The following DNMT3A variants were observed in gnomAD, a reference collection of about 807,000 sequenced individuals.
DNMT3A encodes the protein DNA (cytosine-5)-methyltransferase 3A.
DNMT3A carries 267 observed loss-of-function variants against 117.6 expected under a neutral mutation model. That is an observed-to-expected ratio of 2.27 (90% confidence interval 2.05 to 2.51). The LOEUF (loss-of-function observed/expected upper bound fraction) is 2.51, where lower values mean the gene tolerates loss of function less well. DNMT3A is among the 30% of genes most tolerant of loss of function. The probability of loss-of-function intolerance (pLI) is 0.00; values close to 1 mark genes in which losing one functional copy is unlikely to be tolerated. For missense variants in DNMT3A, 1,029 were observed against 1,260.2 expected (o/e 0.82, Z 2.78); for synonymous variants, 432 against 474.8 (o/e 0.91, Z 1.17).
At chr2:25,264,506 C>T (rs915254628) in intron 6 of DNMT3A, among the ~76,000 whole-genome samples, 22 of 150,580 alleles carry the variant, frequency 1.5e-4, no homozygotes, top group South Asian at 8.4e-4. Context: ...CTGGCTCTGT[C>T]GCCCAGGCTG....
rs145197960 is a variant in DNMT3A, at chr2:25,259,544, G to A, written c.640-11292C>T. On this transcript the variant is annotated intron_variant, in intron 6 of 22. Transcript: ENST00000321117. Reference sequence around the variant, plus strand: ...CAGATAAAATCAAAGGAAGCCAGGAGGGACTCACATTTGAGAGGTGAGGGA... The same window carrying A: ...CAGATAAAATCAAAGGAAGCCAGGAAGGACTCACATTTGAGAGGTGAGGGA... Among the ~76,000 whole-genome samples, 651 of 152,334 alleles carry A rather than the reference G, an allele frequency of 4.3e-3. 6 individuals are homozygous for A. Among genetic ancestry groups the A allele is most frequent in the Middle Eastern group, 0.01 (3 of 294 alleles).
intron 6 of DNMT3A, among the ~76,000 whole-genome samples, chr2:25,262,359 A>G (rs1676692922): frequency 6.6e-6 from 1 of 152,138 alleles, no homozygotes; most frequent in South Asian, 2.1e-4. Context: ...ACACTAACCA[A>G]TAAAGGAAAA....
Position 25,240,304 on chromosome 2 carries a change from C to A in DNMT3A, c.2320G>T (p.Glu774Ter), listed in dbSNP as rs760624806. ...CAAACCAAGGTTGCTGGCTATACCT[C>A]GAGAAATCGCGAGATGTCCCTCTTG... is the stretch of plus-strand genomic sequence containing the variant. ...SDKRDISRFL[E>*]SNPVMIDAKE... Residue 774 changes from glutamate to a stop codon, truncating the protein, a stop_gained and splice_region_variant, in exon 19 of 23, where the codon GAG becomes TAG. Coordinates refer to ENST00000321117, the MANE Select transcript of DNMT3A (RefSeq NM_022552.5). LOFTEE classifies it high-confidence loss of function. The A allele has an allele frequency of 4.3e-6, 7 of 1,614,092 alleles. No homozygotes were observed. The highest frequency in any genetic ancestry group is 5.9e-6 in the Non-Finnish European group (7 of 1,179,988).
Position 25,232,894 on chromosome 2 carries a change from A to G in DNMT3A, c.*1385T>C. On this transcript the variant is annotated 3_prime_UTR_variant, in exon 23 of 23. Coordinates refer to ENST00000321117, the MANE Select transcript of DNMT3A (RefSeq NM_022552.5). This position sits in a 1 kb window ranked among gnomAD's most constrained non-coding sequence, Gnocchi z 4.1. ...AAAACATCACATTCCAGGGGCCGGG[A>G]GCCGCCTTGTGCACAGAGGGGTGGA... 1 of 229,748 alleles carries G rather than the reference A, an allele frequency of 4.4e-6. No homozygotes were observed. The highest frequency in any genetic ancestry group is 8.6e-6 in the Non-Finnish European group (1 of 115,860). The allele number at this position is 229,748 out of a possible 1,614,324, so 14.2% of individuals were successfully genotyped here.
At chr2:25,295,424 T>C (rs2033032890) in intron 3 of DNMT3A, among the ~76,000 whole-genome samples, 1 of 152,248 alleles carries the variant, frequency 6.6e-6, no homozygotes, top group South Asian at 2.1e-4. Flanking sequence ...AACTAGGCCG[T>C]TGCCGATTTT....
At chr2:25,235,500 C>G (rs990586051) in intron 22 of DNMT3A, among the ~76,000 whole-genome samples, 2 of 152,272 alleles carry the variant, frequency 1.3e-5, no homozygotes, top group African/African-American at 4.8e-5. Flanking sequence ...ACTCCTCTTA[C>G]TTGGGACCAG....
At chr2:25,308,940 C>G (rs1014829724) in intron 2 of DNMT3A, among the ~76,000 whole-genome samples, 1 of 151,572 alleles carries the variant, frequency 6.6e-6, no homozygotes, top group African/African-American at 2.4e-5. Context: ...AAGGAGGAAC[C>G]GCAGCCCCAA....
chr2:25,269,046 G>GT (rs1474890727), intron 6 of DNMT3A, among the ~76,000 whole-genome samples: 3 of 152,256 alleles, frequency 2.0e-5, no homozygotes, highest in African/African-American at 7.2e-5. Flanking sequence ...GACAGTCTGA[G>GT]TGCAGTGGCT....
intron 6 of DNMT3A, among the ~76,000 whole-genome samples, chr2:25,251,730 A>G (rs1675589502): frequency 6.6e-6 from 1 of 152,182 alleles, no homozygotes; most frequent in Non-Finnish European, 1.5e-5. Flanking sequence ...AGGAACTCGC[A>G]GGAGAGGAAG....
intron 17 of DNMT3A, among the ~76,000 whole-genome samples, 197 bp from the exon 18 acceptor site, chr2:25,240,927 T>G (rs1427650193): frequency 6.6e-6 from 1 of 152,168 alleles, no homozygotes; most frequent in Middle Eastern, 3.2e-3. Flanking sequence ...TTGGATCATT[T>G]CTTAGGCCAA....
At position 25,286,264 on chromosome 2, in the gene DNMT3A, C is replaced by G. The variant is rs963669717; in HGVS notation, c.178-3553G>C. ...CCCGACCAACCCAGTCCTTCATGCA[C>G]AAGAGTAAGCCCTGCCCTGGCCTTG... On this transcript the variant is annotated intron_variant, in intron 3 of 22. Coordinates refer to ENST00000321117, the MANE Select transcript of DNMT3A (RefSeq NM_022552.5). This position sits in a 1 kb window ranked among gnomAD's most constrained non-coding sequence, Gnocchi z 4.3. 1.2e-4 allele frequency among the ~76,000 whole-genome samples: 19 copies of G among 152,250 alleles called. No homozygotes were observed. The highest frequency in any genetic ancestry group is 2.0e-4 in the Admixed American group (3 of 15,284).
At position 25,300,223 on chromosome 2, in the gene DNMT3A, C is replaced by T. The variant is rs1000529213; in HGVS notation, c.93G>A (p.Glu31=). The T allele has an allele frequency of 3.1e-6, 5 of 1,608,486 alleles. No individual in the cohort carries two copies. In the African/African-American group the frequency reaches 4.0e-5, roughly 13 times the overall value. Residue 31 remains glutamate, a synonymous_variant, in exon 3 of 23, where the codon GAG becomes GAA. Coordinates refer to ENST00000321117, the MANE Select transcript of DNMT3A (RefSeq NM_022552.5). ...EDRKDGEEQE[E]PRGKEERQEP... ...CTTGGCGCTCCTCCTTGCCACGCGG[C>T]TCCTCCTGCTCCTCTCCGTCCTGCA... is the stretch of plus-strand genomic sequence containing the variant.
Position 25,244,330 on chromosome 2 carries a change from C to CA in DNMT3A, c.1675dup (p.Cys559LeufsTer19). ...CACCAAGAGGTCCACACACTCCACG[C>CA]AAAAGCACCTGGAAGGAGACCCAGT... On this transcript the variant is annotated frameshift_variant, in exon 15 of 23. Transcript: ENST00000321117. LOFTEE classifies it high-confidence loss of function. 6.2e-7 allele frequency: 1 copy of CA among 1,605,732 alleles called. No individual in the cohort carries two copies. Among genetic ancestry groups the CA allele is most frequent in the Non-Finnish European group, 8.5e-7 (1 of 1,176,314 alleles).
chr2:25,235,833 A>T lies in DNMT3A; in HGVS notation c.2479-8T>A. The T allele has an allele frequency of 6.2e-7, 1 of 1,604,386 alleles. No homozygotes were observed. The stretch of plus-strand genomic sequence containing the variant: ...GGTCCTCACTTTGCTGAACTAGATG[A>T]AGAGGAGAAAAGAGGAATAAGCACG... On this transcript the variant is annotated splice_polypyrimidine_tract_variant and splice_region_variant and intron_variant, in intron 21 of 22. Transcript: ENST00000321117.
intron 1 of DNMT3A, among the ~76,000 whole-genome samples, chr2:25,335,928 C>T (rs192797986): frequency 1.3e-5 from 2 of 151,692 alleles, no homozygotes; most frequent in Admixed American, 1.3e-4. Context: ...CACAGTAGGA[C>T]AGGAGTAGGC....
intron 6 of DNMT3A, among the ~76,000 whole-genome samples, chr2:25,253,388 C>CTATGCCA (rs1675824422): frequency 6.6e-6 from 1 of 152,096 alleles, no homozygotes. Context: ...GCCACAAATA[C>CTATGCCA]CAAGTAGAAA....
chr2:25,265,017 C>T (rs1215345838), intron 6 of DNMT3A, among the ~76,000 whole-genome samples: 1 of 152,182 alleles, frequency 6.6e-6, no homozygotes, highest in South Asian at 2.1e-4. Flanking sequence ...GAAAGACCTC[C>T]TCACATCCAT....
Position 25,247,555 on chromosome 2 carries a change from C to T in DNMT3A, c.1014+36G>A, listed in dbSNP as rs754756909. 462 of 1,604,110 alleles carry T rather than the reference C, an allele frequency of 2.9e-4. No homozygotes were observed. The highest frequency in any genetic ancestry group is 3.9e-4 in the Non-Finnish European group (454 of 1,173,808). ...ACAGGCCCTGGGATCAAGAACCTTCCCCCACCCCAGGCTACTGCCAAACCC... is the reference window on the plus strand; with the variant it reads ...ACAGGCCCTGGGATCAAGAACCTTCTCCCACCCCAGGCTACTGCCAAACCC... On this transcript the variant is annotated intron_variant, in intron 8 of 22. Coordinates refer to ENST00000321117, the MANE Select transcript of DNMT3A (RefSeq NM_022552.5). The surrounding 1 kb of genome is among the most constrained non-coding windows in gnomAD (Gnocchi z 5.6).
chr2:25,249,950 C>T (rs183739962), intron 6 of DNMT3A, among the ~76,000 whole-genome samples: 1 of 152,202 alleles, frequency 6.6e-6, no homozygotes, highest in Non-Finnish European at 1.5e-5. Context: ...GATGAGCAAG[C>T]AACCTGGAGT....
Sources: allele counts gnomAD v4.1 joint callset (sites outside exome capture counted in the v4.1 genomes callset), GRCh38; gene constraint gnomAD v4.1.1; non-coding constraint Gnocchi (gnomAD v3.1); transcripts MANE v1.5; gene names NCBI Gene and HGNC (gene_info 2026-07-23, HGNC 2026-07-21).